RBFOX1: variants seen among roughly 807,000 people sequenced by gnomAD.
The protein encoded by RBFOX1 is RNA binding protein fox-1 homolog 1.
In RBFOX1, 8 loss-of-function variants were observed where a neutral mutation model predicts 57.7. The observed-to-expected ratio is 0.14, with a 90% CI of 0.08 to 0.25. The LOEUF (loss-of-function observed/expected upper bound fraction) is 0.25. Among genes scored for constraint, RBFOX1 ranks in the 10% least tolerant of loss-of-function variants. RBFOX1 has a pLI of 1.00. For missense variants in RBFOX1, 611 were observed against 548.5 expected (o/e 1.11, Z -1.14); for synonymous variants, 326 against 222.4 (o/e 1.47, Z -4.15).
chr16:6,347,516 C>A (rs2085577679), intron 2 of RBFOX1, among the ~76,000 whole-genome samples: 1 of 152,158 alleles, frequency 6.6e-6, no homozygotes, highest in South Asian at 2.1e-4. Context: ...AGTGTAGTGT[C>A]AATCATGGGG....
rs566196550 is a variant in RBFOX1, at chr16:5,254,175, G to A, written c.219+14070G>A. Among the ~76,000 whole-genome samples, 109 of 152,330 alleles carry A rather than the reference G, an allele frequency of 7.2e-4. 1 individual carries two copies. The highest frequency in any genetic ancestry group is 2.4e-3 in the African/African-American group (98 of 41,568). Reference sequence around the variant, plus strand: ...CCCATTTTACAGATGAGAAAGTTGAGGCTCAGGAACATTATGTAACTTGCT... The same window carrying A: ...CCCATTTTACAGATGAGAAAGTTGAAGCTCAGGAACATTATGTAACTTGCT... On this transcript the variant is annotated intron_variant, in intron 1 of 2. Coordinates refer to the RBFOX1 transcript ENST00000585867.
intron 3 of RBFOX1, among the ~76,000 whole-genome samples, chr16:6,683,271 T>A (rs1166054719): frequency 1.3e-5 from 2 of 152,198 alleles, no homozygotes; most frequent in East Asian, 3.9e-4. Flanking sequence ...GAGGTCAAAT[T>A]TTTTCAAGCC....
At chr16:6,811,197 G>C (rs889232263) in intron 3 of RBFOX1, among the ~76,000 whole-genome samples, 1 of 152,242 alleles carries the variant, frequency 6.6e-6, no homozygotes, top group South Asian at 2.1e-4. Context: ...AATAATTGAA[G>C]AGACCTGCCT....
intron 10 of RBFOX1, among the ~76,000 whole-genome samples, chr16:7,627,648 A>C (rs2060283839): frequency 6.6e-6 from 1 of 152,148 alleles, no homozygotes; most frequent in African/African-American, 2.4e-5. Context: ...TGCTGCTTGT[A>C]CCTTATTACC....
At chr16:7,286,777 C>G (rs942020540) in intron 4 of RBFOX1, among the ~76,000 whole-genome samples, 5 of 151,888 alleles carry the variant, frequency 3.3e-5, no homozygotes, top group East Asian at 1.9e-4. Flanking sequence ...GTCCCTGCCA[C>G]CATGCCTGGC....
intron 2 of RBFOX1, among the ~76,000 whole-genome samples, chr16:6,325,483 G>A (rs956155162): frequency 4.6e-5 from 7 of 152,216 alleles, no homozygotes; most frequent in African/African-American, 1.4e-4. Context: ...GTTACCAACT[G>A]AAGAAAAACA....
intron 2 of RBFOX1, among the ~76,000 whole-genome samples, chr16:6,487,164 G>A (rs896543401): frequency 8.6e-5 from 13 of 151,776 alleles, no homozygotes; most frequent in Non-Finnish European, 1.6e-4. Context: ...GTGTGTGTGT[G>A]TGTGTGTGTG....
chr16:6,453,554 A>C (rs1040982319), intron 2 of RBFOX1, among the ~76,000 whole-genome samples: 9 of 152,126 alleles, frequency 5.9e-5, no homozygotes, highest in African/African-American at 2.2e-4. Flanking sequence ...CTACCAACCA[A>C]AAAAAAGCCC....
intron 1 of RBFOX1, among the ~76,000 whole-genome samples, chr16:5,288,713 C>T (rs1473833381): frequency 3.3e-5 from 5 of 151,462 alleles, no homozygotes; most frequent in African/African-American, 1.2e-4. Context: ...TTTTTGGTCC[C>T]ACTTCTCCCC....
intron 4 of RBFOX1, among the ~76,000 whole-genome samples, chr16:5,927,543 C>T (rs1430471617): frequency 6.6e-6 from 1 of 152,080 alleles, no homozygotes; most frequent in Admixed American, 6.5e-5. Context: ...TATGGAGGTT[C>T]CCCCCAAAAG....
At chr16:5,467,168 T>C (rs1203142184) in intron 1 of RBFOX1, 26 of 1,398,092 alleles carry the variant, frequency 1.9e-5, no homozygotes, top group Non-Finnish European at 2.3e-5. Flanking sequence ...GTAGACTCAA[T>C]GTTTCTTCTC....
At chr16:5,257,856 G>A (rs760351796) in intron 1 of RBFOX1, among the ~76,000 whole-genome samples, 7 of 151,986 alleles carry the variant, frequency 4.6e-5, no homozygotes, top group Non-Finnish European at 8.8e-5. Context: ...TGGGGTGGGG[G>A]GGAAATGGGA....
intron 2 of RBFOX1, among the ~76,000 whole-genome samples, chr16:6,510,140 T>A (rs1329659544): frequency 6.6e-6 from 1 of 152,124 alleles, no homozygotes; most frequent in Non-Finnish European, 1.5e-5. Context: ...TGGGAGTCAG[T>A]AGAGAAAGAG....
At chr16:6,054,817 C>G (rs181191849) in intron 1 of RBFOX1, among the ~76,000 whole-genome samples, 1 of 152,066 alleles carries the variant, frequency 6.6e-6, no homozygotes, top group African/African-American at 2.4e-5. Flanking sequence ...GAGTCTCACT[C>G]TGTTACCTGG....
chr16:6,069,829 A>C (rs989906064), intron 1 of RBFOX1, among the ~76,000 whole-genome samples: 2 of 152,048 alleles, frequency 1.3e-5, no homozygotes, highest in African/African-American at 4.8e-5. Flanking sequence ...TCTACTAAAA[A>C]TGCAATAATT....
intron 3 of RBFOX1, among the ~76,000 whole-genome samples, chr16:5,759,581 C>T (rs1457761950): frequency 6.6e-6 from 1 of 152,226 alleles, no homozygotes; most frequent in African/African-American, 2.4e-5. Flanking sequence ...TGGCACAGAA[C>T]ATGAGGTTCC....
At chr16:6,336,127 A>G (rs1255588691) in intron 2 of RBFOX1, among the ~76,000 whole-genome samples, 1 of 137,022 alleles carries the variant, frequency 7.3e-6, no homozygotes, top group Non-Finnish European at 1.5e-5. Flanking sequence ...TAACTGTGAT[A>G]TATATATATT....
intron 4 of RBFOX1, among the ~76,000 whole-genome samples, chr16:5,926,608 C>T (rs1311119173): frequency 6.6e-6 from 1 of 152,106 alleles, no homozygotes; most frequent in African/African-American, 2.4e-5. Context: ...GGAAAAATCA[C>T]CTAAATCTCA....
intron 1 of RBFOX1, among the ~76,000 whole-genome samples, chr16:6,170,675 C>G (rs74457924): frequency 1.3e-5 from 2 of 151,926 alleles, no homozygotes; most frequent in Admixed American, 1.3e-4. Flanking sequence ...GTTTGTTGTA[C>G]AAATTATTTC....
Sources: allele counts gnomAD v4.1 joint callset (sites outside exome capture counted in the v4.1 genomes callset), GRCh38; gene constraint gnomAD v4.1.1; transcripts MANE v1.5; gene names NCBI Gene and HGNC (gene_info 2026-07-23, HGNC 2026-07-21).